PXDNL: variants seen among roughly 807,000 people sequenced by gnomAD.
PXDNL encodes the protein probable oxidoreductase PXDNL.
PXDNL carries 145 observed loss-of-function variants against 150.8 expected under a neutral mutation model. The observed-to-expected ratio is 0.96, with a 90% CI of 0.84 to 1.10. The LOEUF (loss-of-function observed/expected upper bound fraction) is 1.10, where lower values mean the gene tolerates loss of function less well. Among genes scored for constraint, PXDNL ranks in the 50% least tolerant of loss-of-function variants. The probability of loss-of-function intolerance (pLI) is 0.00; values close to 1 mark genes in which losing one functional copy is unlikely to be tolerated. For synonymous variants in PXDNL, 757 were observed against 725.7 expected (o/e 1.04, Z -0.69); for missense variants, 2,087 against 1,873.9 (o/e 1.11, Z -2.10).
intron 5 of PXDNL, among the ~76,000 whole-genome samples, chr8:51,486,664 T>A (rs1414592888): frequency 6.7e-6 from 1 of 148,296 alleles, no homozygotes; most frequent in African/African-American, 2.5e-5. Context: ...TTATGCAATG[T>A]ATTTGTTGAT....
intron 17 of PXDNL, 116 bp downstream of exon 17, chr8:51,407,951 G>A: frequency 3.8e-6 from 3 of 789,402 alleles, no homozygotes; most frequent in Non-Finnish European, 5.9e-6. Context: ...ACAATAACAA[G>A]TACTAAAAGC....
intron 1 of PXDNL, among the ~76,000 whole-genome samples, chr8:51,733,045 A>G (rs1262896181): frequency 6.6e-6 from 1 of 152,204 alleles, no homozygotes; most frequent in Non-Finnish European, 1.5e-5. Context: ...TGTCACCTTG[A>G]GTAAGAGTCT....
At chr8:51,799,389 AAAATT>A (rs1248474648) in intron 1 of PXDNL, among the ~76,000 whole-genome samples, 1 of 152,214 alleles carries the variant, frequency 6.6e-6, no homozygotes, top group Non-Finnish European at 1.5e-5. Flanking sequence ...CCTGGAACTT[AAAATT>A]AAATTAAATT....
chr8:51,402,187 T>C (rs1808270606), intron 17 of PXDNL, among the ~76,000 whole-genome samples: 1 of 152,210 alleles, frequency 6.6e-6, no homozygotes, highest in African/African-American at 2.4e-5. Flanking sequence ...TAGGTACATA[T>C]ACTGAATACA....
At chr8:51,538,571 G>A (rs1379475465) in intron 4 of PXDNL, among the ~76,000 whole-genome samples, 1 of 152,050 alleles carries the variant, frequency 6.6e-6, no homozygotes, top group East Asian at 1.9e-4. Context: ...TTTGAGACCA[G>A]GCTGGCCAAC....
At position 51,677,674 on chromosome 8, in the gene PXDNL, T is replaced by C. The variant is rs1815653421; in HGVS notation, c.165-22914A>G. Among the ~76,000 whole-genome samples, 3 of 152,352 alleles carry C rather than the reference T, an allele frequency of 2.0e-5. No homozygotes were observed. In the South Asian group the frequency reaches 6.2e-4, roughly 32 times the overall value. ...CATTTCCAAAACAAATGGCTTTTAC[T>C]TAGGAAATAGCCTAAAACATAATGT... On this transcript the variant is annotated intron_variant, in intron 1 of 22. Transcript: ENST00000356297.
intron 19 of PXDNL, among the ~76,000 whole-genome samples, chr8:51,361,375 C>T (rs1395761472): frequency 6.6e-6 from 1 of 152,048 alleles, no homozygotes; most frequent in Non-Finnish European, 1.5e-5. Context: ...TGTGTTCTAC[C>T]CCTTCCTTGC....
chr8:51,700,519 T>C lies in PXDNL; in HGVS notation c.165-45759A>G, dbSNP rs535598438. 1.8e-3 allele frequency among the ~76,000 whole-genome samples: 260 copies of C among 147,854 alleles called. 3 individuals carry two copies. Among genetic ancestry groups the C allele is most frequent in the East Asian group, 7.7e-3 (39 of 5,078 alleles). On this transcript the variant is annotated intron_variant, in intron 1 of 22. Transcript: ENST00000356297. ...TATACACACATATAAACATAACATA[T>C]ATACACAGACACACACAAATACACA... is the stretch of plus-strand genomic sequence containing the variant.
At chr8:51,557,229 C>A (rs1049445859) in intron 3 of PXDNL, among the ~76,000 whole-genome samples, 2 of 151,954 alleles carry the variant, frequency 1.3e-5, no homozygotes, top group Non-Finnish European at 2.9e-5. Flanking sequence ...TGACTATAAA[C>A]AATTTTTTAA....
intron 12 of PXDNL, among the ~76,000 whole-genome samples, chr8:51,433,526 T>A (rs1173261088): frequency 6.6e-6 from 1 of 152,100 alleles, no homozygotes; most frequent in African/African-American, 2.4e-5. Context: ...GTAATGTATT[T>A]CCTCTTATAT....
chr8:51,481,262 G>C (rs1240223588), intron 6 of PXDNL, among the ~76,000 whole-genome samples: 1 of 152,202 alleles, frequency 6.6e-6, no homozygotes, highest in Non-Finnish European at 1.5e-5. Context: ...GGGAACTGGA[G>C]TGAAGGTCAC....
chr8:51,566,018 G>A (rs1368815720), intron 3 of PXDNL, among the ~76,000 whole-genome samples: 1 of 151,704 alleles, frequency 6.6e-6, no homozygotes, highest in Non-Finnish European at 1.5e-5. Context: ...TCACAAATGG[G>A]TGTTCAATGT....
intron 15 of PXDNL, 143 bp from the exon 16 acceptor site, chr8:51,411,550 G>C: frequency 1.5e-6 from 1 of 685,136 alleles, no homozygotes; most frequent in Non-Finnish European, 2.2e-6. Flanking sequence ...GCTCTACAGA[G>C]GAGCTGTGGG....
chr8:51,474,968 G>A lies in PXDNL; in HGVS notation c.694+4C>T, dbSNP rs148343578. 24 of 1,581,810 alleles carry A rather than the reference G, an allele frequency of 1.5e-5. No homozygotes were observed. Among genetic ancestry groups the A allele is most frequent in the African/African-American group, 5.4e-5 (4 of 74,312 alleles). ...ATCTTATGTACACATTGAAATTTAC[G>A]TACGGCAATTGAATTCCTCTACTGT... On this transcript the variant is annotated splice_donor_region_variant and intron_variant, in intron 7 of 22. Transcript: ENST00000356297.
intron 3 of PXDNL, among the ~76,000 whole-genome samples, chr8:51,587,159 C>A (rs745836841): frequency 6.6e-6 from 1 of 152,086 alleles, no homozygotes; most frequent in Non-Finnish European, 1.5e-5. Context: ...AATAAATAAA[C>A]TTTATTTTTG....
chr8:51,519,989 G>T (rs552680188), intron 4 of PXDNL, among the ~76,000 whole-genome samples: 1 of 152,188 alleles, frequency 6.6e-6, no homozygotes, highest in African/African-American at 2.4e-5. Context: ...CAACAGTCTA[G>T]GGGGAACAAC....
At chr8:51,774,454 A>G (rs917376242) in intron 1 of PXDNL, among the ~76,000 whole-genome samples, 14 of 152,208 alleles carry the variant, frequency 9.2e-5, no homozygotes, top group Non-Finnish European at 2.1e-4. Flanking sequence ...TAACAACTTT[A>G]GATTGAGTAG....
chr8:51,801,102 A>G (rs2037614231), intron 1 of PXDNL, among the ~76,000 whole-genome samples: 1 of 152,204 alleles, frequency 6.6e-6, no homozygotes, highest in Non-Finnish European at 1.5e-5. Flanking sequence ...TTCTTCTCCT[A>G]GCAAGGAATA....
chr8:51,327,072 C>T (rs1490699106), intron 21 of PXDNL, among the ~76,000 whole-genome samples: 1 of 152,160 alleles, frequency 6.6e-6, no homozygotes, highest in African/African-American at 2.4e-5. Flanking sequence ...TTGCCTATCT[C>T]CTTCTGCAAC....
Sources: allele counts gnomAD v4.1 joint callset (sites outside exome capture counted in the v4.1 genomes callset), GRCh38; gene constraint gnomAD v4.1.1; transcripts MANE v1.5; gene names NCBI Gene and HGNC (gene_info 2026-07-23, HGNC 2026-07-21).